The following ZXDC variants were observed in gnomAD, a reference collection of about 807,000 sequenced individuals.
ZXDC encodes zinc finger protein ZXDC.
A neutral mutation model predicts 63.6 loss-of-function variants in ZXDC; 58 were observed. The observed-to-expected ratio is 0.91, with a 90% confidence interval of 0.74 to 1.13. The LOEUF is 1.13. Ranked by LOEUF, ZXDC falls within the 50% of genes most tolerant of loss-of-function variation. The pLI is 0.00. For missense variants in ZXDC, 1,133 were observed against 1,148.9 expected (o/e 0.99, Z 0.20); for synonymous variants, 561 against 496.1 (o/e 1.13, Z -1.74).
intron 1 of ZXDC, among the ~76,000 whole-genome samples, chr3:126,473,421 C>T (rs557538403): frequency 6.6e-5 from 10 of 152,204 alleles, no homozygotes; most frequent in Admixed American, 2.0e-4. Context: ...AACATCTAAT[C>T]TCATCTAACC....
intron 8 of ZXDC, chr3:126,440,984 G>A (rs2107625736): frequency 1.0e-6 from 1 of 985,630 alleles, no homozygotes. Context: ...CGCATCCCCT[G>A]CCACAGGGAA....
At chr3:126,460,728 T>C in intron 6 of ZXDC, 1 of 985,368 alleles carries the variant, frequency 1.0e-6, no homozygotes, top group Non-Finnish European at 1.2e-6. Flanking sequence ...ACTGTCCTCC[T>C]CTCTGACTGA....
rs557145178 is a variant in ZXDC, at chr3:126,470,816, T to C, written c.1270+79A>G. On this transcript the variant is annotated intron_variant, in intron 4 of 9. Coordinates refer to ENST00000389709, the MANE Select transcript of ZXDC (RefSeq NM_025112.5). ...AGTCTTTAAGCAGCTAACATTTACC[T>C]TTAAACAACGGAAACTTAACAGGAT... is the stretch of plus-strand genomic sequence containing the variant. The C allele has an allele frequency of 3.3e-3, 5,174 of 1,582,512 alleles. 9 individuals carry two copies. Among genetic ancestry groups the C allele is most frequent in the Non-Finnish European group, 4.2e-3 (4,872 of 1,157,254 alleles).
In ZXDC at chr3:126,466,318, G is replaced by C; in HGVS notation, c.1278C>G (p.Cys426Trp). ...KPFECPVEGC[C>W]ARFSARSSLY... ...GACTGCTACGAGCGGAGAACCTCGC[G>C]CAACATCCTGGAACAAAAAGAGTAA... Residue 426 changes from cysteine (C) to tryptophan (W), a missense_variant, in exon 5 of 10, where the codon TGC becomes TGG. By Grantham distance (215) the Cys-to-Trp change is radical. Coordinates refer to ENST00000389709, the MANE Select transcript of ZXDC (RefSeq NM_025112.5). 1.2e-6 allele frequency: 2 copies of C among 1,614,016 alleles called. No individual in the cohort carries two copies. Among genetic ancestry groups the C allele is most frequent in the East Asian group, 2.2e-5 (1 of 44,890 alleles).
intron 7 of ZXDC, chr3:126,450,690 G>T: frequency 2.8e-6 from 1 of 353,248 alleles, no homozygotes; most frequent in Non-Finnish European, 5.7e-6. Flanking sequence ...GGCAGCAACA[G>T]GAAGAAAGGG....
rs74536236 is a variant in ZXDC, at chr3:126,442,093, A to T, written c.2213-147T>A. ...AGACGTAAAATCACTTAACAGAAAA[A>T]ATCAAGAGTTAAGAGGTTGAAACAA... On this transcript the variant is annotated intron_variant, in intron 7 of 9. Transcript: ENST00000389709. The T allele has an allele frequency of 3.3e-3, 3,122 of 932,874 alleles. 58 individuals carry two copies. The African/African-American group carries it at 0.049, about 15-fold the overall frequency. The allele number at this position is 932,874 out of a possible 1,614,324, so 57.8% of individuals were successfully genotyped here. A position where few individuals can be genotyped will look rare whatever the true frequency, so the allele number is the denominator to read the frequency against.
intron 7 of ZXDC, chr3:126,454,694 A>C: frequency 1.0e-6 from 1 of 985,462 alleles, no homozygotes; most frequent in Non-Finnish European, 1.2e-6. Context: ...TCCTCTGATA[A>C]GCACCACACT....
intron 7 of ZXDC, chr3:126,458,558 A>G (rs1338333009): frequency 1.0e-6 from 1 of 983,356 alleles, no homozygotes; most frequent in African/African-American, 1.7e-5. Context: ...CTTTTTAAAG[A>G]TAATGCTGAA....
intron 3 of ZXDC, 65 bp downstream of exon 3, chr3:126,471,908 G>A (rs1447360551): frequency 3.7e-6 from 5 of 1,350,380 alleles, no homozygotes; most frequent in Non-Finnish European, 5.1e-6. Flanking sequence ...TCATTCATTG[G>A]TTTCTGCTGC....
At chr3:126,470,411 G>A (rs1043603905) in intron 4 of ZXDC, among the ~76,000 whole-genome samples, 6 of 152,228 alleles carry the variant, frequency 3.9e-5, no homozygotes, top group Non-Finnish European at 7.3e-5. Flanking sequence ...AGGTTGCAAT[G>A]AGCCAAGATC....
intron 9 of ZXDC, 28 bp from the exon 10 acceptor site, chr3:126,438,489 G>C (rs1022543807): frequency 6.2e-7 from 1 of 1,602,454 alleles, no homozygotes; most frequent in South Asian, 1.1e-5. Flanking sequence ...GTCATGAAGA[G>C]GGAGGAGGGA....
rs1456817005 is a variant in ZXDC at position 126,461,993 on chromosome 3, T to C, written c.1669A>G (p.Asn557Asp). The change falls in exon 6 of 10, where the codon AAT becomes GAT. Residue 557 changes from asparagine (N) to aspartate (D), a missense_variant. Asn to Asp is a conservative substitution (Grantham distance 23). Transcript: ENST00000389709. ...GGTTCCATCGGCCCTAGGGAGCTATTATTAGCAGGGAGGTTCCCTCCCAGA... is the reference window on the plus strand; with the variant it reads ...GGTTCCATCGGCCCTAGGGAGCTATCATTAGCAGGGAGGTTCCCTCCCAGA... ...SSLGGNLPAN[N>D]SSLGPMEPLV... 4 of 1,613,914 alleles carry C rather than the reference T, an allele frequency of 2.5e-6. No individual in the cohort carries two copies. In the East Asian group the frequency reaches 8.9e-5, roughly 36 times the overall value.
In ZXDC at chr3:126,475,191, G is replaced by A. The variant is rs781768896; in HGVS notation, c.675C>T (p.Leu225=). ...CGWAFTTSYK[L]KRHLQSHDKL... is the part of the protein sequence containing the mutation. ...TGTCGTGCGACTGCAGGTGCCGCTT[G>A]AGCTTGTAGGACGTTGTGAAGGCCC... is the stretch of plus-strand genomic sequence containing the variant. The change falls in exon 1 of 10, where the codon CTC becomes CTT. Residue 225 remains leucine, a synonymous_variant. Coordinates refer to ENST00000389709, the MANE Select transcript of ZXDC (RefSeq NM_025112.5). 2.5e-6 allele frequency: 4 copies of A among 1,590,994 alleles called. No homozygotes were observed. The highest frequency in any genetic ancestry group is 3.5e-5 in the Admixed American group (2 of 56,740).
chr3:126,475,727 C>A lies in ZXDC; in HGVS notation c.139G>T (p.Glu47Ter). ...GGCCGCGCCCCGGGCCCGCCATCTT[C>A]AGGGCCCCGCACCAGTAGCAGGCGG... is the stretch of plus-strand genomic sequence containing the variant. Reference protein sequence around the residue: ...RRRLLLVRGPEDGGPGARPGE... With the variant: ...RRRLLLVRGP Residue 47 changes from glutamate to a stop codon, truncating the protein, a stop_gained, in exon 1 of 10, where the codon GAA becomes TAA. Transcript: ENST00000389709. LOFTEE classifies it high-confidence loss of function. 8.1e-7 allele frequency: 1 copy of A among 1,236,108 alleles called. No homozygotes were observed. The highest frequency in any genetic ancestry group is 2.7e-5 in the South Asian group (1 of 37,372). The allele number at this position is 1,236,108 out of a possible 1,614,324, so 76.6% of individuals were successfully genotyped here.
At chr3:126,471,637 G>A (rs1036082394) in intron 3 of ZXDC, among the ~76,000 whole-genome samples, 16 of 151,904 alleles carry the variant, frequency 1.1e-4, no homozygotes, top group Non-Finnish European at 2.1e-4. Flanking sequence ...AGTCTCCAGG[G>A]TTGTCATTAC....
chr3:126,475,227 C>T lies in ZXDC; in HGVS notation c.639G>A (p.Glu213=). Reference sequence around the variant, plus strand: ...ACGTTGTGAAGGCCCAACCACAGCCCTCCAGTGGGCACTTGAAGGGCCGCC... The same window carrying T: ...ACGTTGTGAAGGCCCAACCACAGCCTTCCAGTGGGCACTTGAAGGGCCGCC... ...QGRRPFKCPL[E]GCGWAFTTSY... Residue 213 remains glutamate, a synonymous_variant, in exon 1 of 10, where the codon GAG becomes GAA. Coordinates refer to ENST00000389709, the MANE Select transcript of ZXDC (RefSeq NM_025112.5). 1 of 1,569,762 alleles carries T rather than the reference C, an allele frequency of 6.4e-7. No homozygotes were observed. The highest frequency in any genetic ancestry group is 8.6e-7 in the Non-Finnish European group (1 of 1,157,352).
At chr3:126,474,925 C>A (rs1023339646) in intron 1 of ZXDC, 34 bp downstream of exon 1, 7 of 1,530,544 alleles carry the variant, frequency 4.6e-6, no homozygotes, top group African/African-American at 1.4e-5. Flanking sequence ...CCTGCAACAC[C>A]GCGCAGCCCG....
chr3:126,466,998 C>T (rs1298282598), intron 4 of ZXDC, among the ~76,000 whole-genome samples: 4 of 152,106 alleles, frequency 2.6e-5, no homozygotes, highest in African/African-American at 4.8e-5. Context: ...AGGAAGGAGA[C>T]GTGGAGCTCT....
At chr3:126,453,713 C>T (rs1028628205) in intron 7 of ZXDC, 5 of 982,216 alleles carry the variant, frequency 5.1e-6, no homozygotes, top group South Asian at 4.7e-5. Context: ...TTTTTTTTGG[C>T]GAAGGAGTTT....
Sources: gnomAD v4.1 joint callset for allele counts (sites outside exome capture counted in the v4.1 genomes callset) on GRCh38, gnomAD v4.1.1 for gene constraint, MANE v1.5 for transcripts, NCBI Gene and HGNC (gene_info 2026-07-23, HGNC 2026-07-21) for gene names.